CACNA2D1: variants seen among roughly 807,000 people sequenced by gnomAD.
CACNA2D1 encodes voltage-dependent calcium channel subunit alpha-2/delta-1.
CACNA2D1 carries 53 observed loss-of-function variants against 171.5 expected under a neutral mutation model. The observed-to-expected ratio is 0.31, with a 90% CI of 0.25 to 0.39. The LOEUF (loss-of-function observed/expected upper bound fraction) is 0.39. Ranked by LOEUF, CACNA2D1 falls within the 10% of genes least tolerant of loss-of-function variation. The pLI is 1.00. For synonymous variants in CACNA2D1, 442 were observed against 443.1 expected (o/e 1.00, Z 0.03); for missense variants, 903 against 1,299.8 (o/e 0.69, Z 4.69).
chr7:82,030,401 AAACAGG>A (rs1312339001), intron 12 of CACNA2D1, among the ~76,000 whole-genome samples: 1 of 142,426 alleles, frequency 7.0e-6, no homozygotes, highest in Non-Finnish European at 1.5e-5. Context: ...GAGAATTCCG[AAACAGG>A]AAAAAAAAAA....
chr7:82,410,310 T>C (rs1827509680), intron 1 of CACNA2D1, among the ~76,000 whole-genome samples: 1 of 152,224 alleles, frequency 6.6e-6, no homozygotes, highest in South Asian at 2.1e-4. Flanking sequence ...TTAGGTTGTG[T>C]AGGGGAGGCC....
chr7:82,245,676 A>ACT (rs1453859395), intron 3 of CACNA2D1, among the ~76,000 whole-genome samples: 11 of 145,896 alleles, frequency 7.5e-5, no homozygotes, highest in Non-Finnish European at 1.4e-4. Flanking sequence ...ACACACACAC[A>ACT]CACACACACA....
At chr7:81,981,473 C>A (rs1040376916) in intron 24 of CACNA2D1, among the ~76,000 whole-genome samples, 1 of 152,030 alleles carries the variant, frequency 6.6e-6, no homozygotes, top group Non-Finnish European at 1.5e-5. Flanking sequence ...ATATTCCCTA[C>A]GTTAAAGTAG....
At chr7:82,138,436 TTTTG>T (rs1791948716) in intron 4 of CACNA2D1, among the ~76,000 whole-genome samples, 2 of 76,596 alleles carry the variant, frequency 2.6e-5, no homozygotes, top group East Asian at 8.0e-4. Flanking sequence ...GTTTTGTTTT[TTTTG>T]TTTTTTTTGT....
chr7:82,001,577 A>T, intron 18 of CACNA2D1: 1 of 408,224 alleles, frequency 2.4e-6, no homozygotes, highest in Non-Finnish European at 4.6e-6. Context: ...TTTAATTATA[A>T]GCTTTAAGAA....
At chr7:81,951,978 T>TTTTTTTGTTTTTTTTTG (rs1792625013) in intron 38 of CACNA2D1, among the ~76,000 whole-genome samples, 1 of 148,938 alleles carries the variant, frequency 6.7e-6, no homozygotes, top group African/African-American at 2.5e-5. Context: ...TGTTTTTTTT[T>TTTTTTTGTTTTTTTTTG]TTTTTTTTTT....
intron 3 of CACNA2D1, among the ~76,000 whole-genome samples, chr7:82,226,853 G>T (rs1271069164): frequency 1.3e-5 from 2 of 152,062 alleles, no homozygotes; most frequent in Non-Finnish European, 2.9e-5. Flanking sequence ...TCTAAAAGAA[G>T]AATCAGGTGA....
intron 12 of CACNA2D1, among the ~76,000 whole-genome samples, chr7:82,030,255 CTGAA>C (rs1802511223): frequency 6.6e-6 from 1 of 151,598 alleles, no homozygotes; most frequent in Non-Finnish European, 1.5e-5. Context: ...ATTCAACCAA[CTGAA>C]CAATTTGTGA....
chr7:82,403,871 A>T (rs1162278257), intron 1 of CACNA2D1, among the ~76,000 whole-genome samples: 1 of 152,194 alleles, frequency 6.6e-6, no homozygotes, highest in African/African-American at 2.4e-5. Flanking sequence ...AGACAAAAGT[A>T]TTTTTCTACA....
At chr7:82,159,962 T>C (rs1794772076) in intron 4 of CACNA2D1, among the ~76,000 whole-genome samples, 2 of 150,658 alleles carry the variant, frequency 1.3e-5, no homozygotes, top group Non-Finnish European at 3.0e-5. Flanking sequence ...ATTATATCTC[T>C]GAAATAAAAT....
intron 4 of CACNA2D1, among the ~76,000 whole-genome samples, chr7:82,158,944 A>C (rs1339486305): frequency 6.6e-6 from 1 of 151,922 alleles, no homozygotes; most frequent in Non-Finnish European, 1.5e-5. Flanking sequence ...TCTCATGTGC[A>C]AATGGTAACT....
chr7:82,015,238 A>G (rs1339604610), intron 12 of CACNA2D1, among the ~76,000 whole-genome samples: 1 of 152,194 alleles, frequency 6.6e-6, no homozygotes, highest in African/African-American at 2.4e-5. Context: ...TGTACTTCAA[A>G]GTTGCTTAAC....
At position 82,153,142 on chromosome 7, in the gene CACNA2D1, A is replaced by G. The variant is rs1269929912; in HGVS notation, c.355-16466T>C. Among the ~76,000 whole-genome samples the G allele has an allele frequency of 2.0e-5, 3 of 151,062 alleles. No homozygotes were observed. In the East Asian group the frequency reaches 5.8e-4, roughly 29 times the overall value. On this transcript the variant is annotated intron_variant, in intron 4 of 38. Coordinates refer to ENST00000356860, the MANE Select transcript of CACNA2D1 (RefSeq NM_000722.4). ...CTATTCTTAATGTCAAAGGTATATGAAAGGCTGAGACCTTGGCAAAACCTA... is the reference window on the plus strand; with the variant it reads ...CTATTCTTAATGTCAAAGGTATATGGAAGGCTGAGACCTTGGCAAAACCTA...
intron 38 of CACNA2D1, among the ~76,000 whole-genome samples, chr7:81,955,640 C>T (rs1419763646): frequency 6.6e-6 from 1 of 151,814 alleles, no homozygotes; most frequent in Non-Finnish European, 1.5e-5. Flanking sequence ...ATAGATTATA[C>T]TTCTACAATT....
chr7:82,277,095 G>A lies in CACNA2D1; in HGVS notation c.294+58040C>T, dbSNP rs1038806287. 2.6e-5 allele frequency among the ~76,000 whole-genome samples: 4 copies of A among 151,988 alleles called. No individual in the cohort carries two copies. In the East Asian group the frequency reaches 5.8e-4, roughly 22 times the overall value. ...CTTTATGTTTGGCCATTTAGAGATC[G>A]TTCAAAACGCTAGCAGCTAAAACAC... On this transcript the variant is annotated intron_variant, in intron 3 of 38. Coordinates refer to ENST00000356860, the MANE Select transcript of CACNA2D1 (RefSeq NM_000722.4).
chr7:81,967,105 AGT>A, intron 31 of CACNA2D1, 62 bp downstream of exon 31: 1 of 1,220,872 alleles, frequency 8.2e-7, no homozygotes, highest in South Asian at 1.3e-5. Context: ...TCATCACTAT[AGT>A]CTTAGCAAGA....
rs117230266 is a variant in CACNA2D1, at chr7:81,973,951, C to T, written c.2053+504G>A. On this transcript the variant is annotated intron_variant, in intron 25 of 38. Transcript: ENST00000356860. ...CCTCATAAATGAAAAATTACAGAAG[C>T]ATAATTTTTTAAGACATAAAGTTAA... Among the ~76,000 whole-genome samples the T allele has an allele frequency of 1.6e-3, 245 of 151,876 alleles. 5 individuals carry two copies. In the East Asian group the frequency reaches 0.017, roughly 11 times the overall value.
At chr7:82,035,373 C>T (rs1486333074) in intron 11 of CACNA2D1, among the ~76,000 whole-genome samples, 1 of 150,878 alleles carries the variant, frequency 6.6e-6, no homozygotes, top group Non-Finnish European at 1.5e-5. Flanking sequence ...GGCATTTGAG[C>T]AATAAGATGA....
At chr7:82,038,750 C>G (rs1165694926) in intron 10 of CACNA2D1, among the ~76,000 whole-genome samples, 1 of 152,128 alleles carries the variant, frequency 6.6e-6, no homozygotes, top group Admixed American at 6.6e-5. Flanking sequence ...GGAAAGCAAT[C>G]TGAATCAAGA....
Sources: gnomAD v4.1 joint callset for allele counts (sites outside exome capture counted in the v4.1 genomes callset) on GRCh38, gnomAD v4.1.1 for gene constraint, MANE v1.5 for transcripts, NCBI Gene and HGNC (gene_info 2026-07-23, HGNC 2026-07-21) for gene names.